The following SP140 variants were observed in gnomAD, a reference collection of about 807,000 sequenced individuals.
SP140 encodes the protein nuclear body protein SP140.
SP140 carries 81 observed loss-of-function variants against 125.0 expected under a neutral mutation model. The observed-to-expected ratio is 0.65, with a 90% CI of 0.54 to 0.78. The LOEUF (loss-of-function observed/expected upper bound fraction) is 0.78. SP140 is among the 30% of genes least tolerant of loss of function. The pLI is 0.00. For synonymous variants in SP140, 312 were observed against 354.0 expected (o/e 0.88, Z 1.33); for missense variants, 858 against 1,037.0 (o/e 0.83, Z 2.37).
chr2:230,290,511 C>T lies in SP140; in HGVS notation c.1772C>T (p.Pro591Leu), dbSNP rs976547498. ...GTGGATTTTAAGGCTCCTTTGCTTC[C>T]AGTGACCTGTGGTGGGGTGAAGGGA... ...ETVDFKAPLLPVTCGGVKGIL... is the reference protein window; with the variant it reads ...ETVDFKAPLLLVTCGGVKGIL... The change falls in exon 19 of 27, where the codon CCA (proline) becomes CTA (leucine). Residue 591 changes from proline to leucine, a missense_variant. By Grantham distance (98) the Pro-to-Leu change is moderately conservative. Around this residue, in one of 4 missense-constraint regions of SP140, gnomAD observed 791 missense variants for 869.5 expected, o/e 0.91. Coordinates refer to ENST00000392045, the MANE Select transcript of SP140 (RefSeq NM_007237.5). 1.9e-6 allele frequency: 3 copies of T among 1,613,916 alleles called. No homozygotes were observed. Among genetic ancestry groups the T allele is most frequent in the Non-Finnish European group, 1.7e-6 (2 of 1,179,952 alleles).
chr2:230,221,729 A>G, upstream of SP140: 2 of 1,536,096 alleles, frequency 1.3e-6, no homozygotes, highest in African/African-American at 2.7e-5. Flanking sequence ...CATCACCTGG[A>G]AAGCCCCTTC....
intron 22 of SP140, among the ~76,000 whole-genome samples, chr2:230,307,191 T>C (rs1270971359): frequency 6.6e-6 from 1 of 152,202 alleles, no homozygotes; most frequent in African/African-American, 2.4e-5. Context: ...TCAGGACACA[T>C]TGGCTGCAGA....
chr2:230,283,201 T>C (rs1250381734), intron 15 of SP140, among the ~76,000 whole-genome samples: 3 of 152,202 alleles, frequency 2.0e-5, no homozygotes, highest in Non-Finnish European at 4.4e-5. Context: ...CAAAGCATCC[T>C]TGGGTTCTTC....
chr2:230,195,929 A>C, the SP140 span, among the ~76,000 whole-genome samples: 1 of 152,172 alleles, frequency 6.6e-6, no homozygotes, highest in African/African-American at 2.4e-5. Flanking sequence ...TAGGAAAATA[A>C]GCAAAAAATA....
chr2:230,260,430 A>G (rs1189414854), intron 12 of SP140, among the ~76,000 whole-genome samples: 4 of 152,128 alleles, frequency 2.6e-5, no homozygotes, highest in Admixed American at 6.5e-5. Flanking sequence ...TTGCTGTGCA[A>G]AAGCTCTTAG....
intron 3 of SP140, chr2:230,219,480 T>C (rs908486964): frequency 1.3e-5 from 2 of 152,178 alleles, no homozygotes; most frequent in African/African-American, 4.8e-5. Flanking sequence ...AGAAAATATA[T>C]AAAAAGTTCA....
At chr2:230,233,657 G>T (rs1330893916) in intron 1 of SP140, among the ~76,000 whole-genome samples, 1 of 152,140 alleles carries the variant, frequency 6.6e-6, no homozygotes, top group Non-Finnish European at 1.5e-5. Context: ...TAATAGTAGT[G>T]AATTTATTAC....
At chr2:230,288,493 CT>C (rs2056712930) in intron 18 of SP140, among the ~76,000 whole-genome samples, 1 of 117,692 alleles carries the variant, frequency 8.5e-6, no homozygotes, top group South Asian at 3.4e-4. Flanking sequence ...TTCTTTCTTT[CT>C]TTCTTTCTTT....
At chr2:230,190,916 T>A in the SP140 span, among the ~76,000 whole-genome samples, 1 of 152,212 alleles carries the variant, frequency 6.6e-6, no homozygotes, top group Non-Finnish European at 1.5e-5. Context: ...ATGGTCTATA[T>A]GTCTGTTTTG....
intron 15 of SP140, among the ~76,000 whole-genome samples, chr2:230,282,456 A>G (rs977566669): frequency 1.3e-5 from 2 of 152,200 alleles, no homozygotes; most frequent in Non-Finnish European, 2.9e-5. Flanking sequence ...CACTCTGATT[A>G]TTCGGACCCA....
At chr2:230,250,216 CA>C (rs562625408) in intron 9 of SP140, among the ~76,000 whole-genome samples, 58 of 152,356 alleles carry the variant, frequency 3.8e-4, no homozygotes, top group Non-Finnish European at 6.2e-4. Context: ...TGCTTTAGCA[CA>C]ATTGGCAATT....
At chr2:230,268,842 C>A (rs1297053196) in intron 12 of SP140, among the ~76,000 whole-genome samples, 1 of 152,122 alleles carries the variant, frequency 6.6e-6, no homozygotes, top group Non-Finnish European at 1.5e-5. Flanking sequence ...CACTCCCCAG[C>A]AAGAATCTTC....
At chr2:230,251,928 C>T (rs1029048391) in intron 10 of SP140, among the ~76,000 whole-genome samples, 1 of 151,968 alleles carries the variant, frequency 6.6e-6, no homozygotes, top group East Asian at 1.9e-4. Context: ...AATGCGGAGA[C>T]CAGTGTCCTG....
At chr2:230,304,350 T>C (rs2058565088) in intron 22 of SP140, among the ~76,000 whole-genome samples, 1 of 152,144 alleles carries the variant, frequency 6.6e-6, no homozygotes. Context: ...GGAAAGTCAA[T>C]GCAATTCCCA....
chr2:230,228,770 A>G (rs10197151), intron 1 of SP140, among the ~76,000 whole-genome samples: 2,092 of 152,144 alleles, frequency 0.014, 44 homozygotes, highest in African/African-American at 0.047. Context: ...TGTTTAACCT[A>G]TCTGTATTTT....
rs1162449875 is a variant in SP140, at chr2:230,292,779, G to A, written c.1959G>A (p.Trp653Ter). 6.2e-7 allele frequency: 1 copy of A among 1,613,932 alleles called. No individual in the cohort carries two copies. The highest frequency in any genetic ancestry group is 1.3e-5 in the African/African-American group (1 of 74,918). Residue 653 changes from tryptophan to a stop codon, truncating the protein, a stop_gained, in exon 20 of 27, where the codon TGG (tryptophan) becomes TGA (stop). Transcript: ENST00000392045. LOFTEE classifies it high-confidence loss of function. ...GCTGTGGCGGGTGGCCCCTACGATG[G>A]CTGATGGAGGTATTCCAATGACAAG... ...SVRCGGWPLR[W>*]LMENGFLPDP...
chr2:230,287,996 A>T (rs1238593926), intron 18 of SP140, 30 bp downstream of exon 18: 1 of 1,554,904 alleles, frequency 6.4e-7, no homozygotes, highest in Admixed American at 1.8e-5. Flanking sequence ...TGAACTTTCA[A>T]TAACTAAACA....
At chr2:230,270,100 A>G (rs1467821059) in intron 14 of SP140, 147 bp downstream of exon 14, 3 of 627,246 alleles carry the variant, frequency 4.8e-6, no homozygotes, top group Non-Finnish European at 8.7e-6. Flanking sequence ...CAGGGAGGCA[A>G]GAGATCGTTA....
rs573597755 is a variant in SP140 at position 230,312,966 on chromosome 2, G to C, written c.*282G>C. 3 of 317,734 alleles carry C rather than the reference G, an allele frequency of 9.4e-6. No individual in the cohort carries two copies. The highest frequency in any genetic ancestry group is 2.1e-4 in the East Asian group (2 of 9,520). The allele number at this position is 317,734 out of a possible 1,614,324, so 19.7% of individuals were successfully genotyped here. ...TACAGGCTCTTACCTCTTCTCCTGA[G>C]GGCTGCTCCAGACAACATTTATTAC... is the stretch of plus-strand genomic sequence containing the variant. On this transcript the variant is annotated 3_prime_UTR_variant, in exon 27 of 27. Coordinates refer to ENST00000392045, the MANE Select transcript of SP140 (RefSeq NM_007237.5).
Sources: allele counts gnomAD v4.1 joint callset (sites outside exome capture counted in the v4.1 genomes callset), GRCh38; gene constraint gnomAD v4.1.1; regional missense constraint gnomAD v4.1.1; transcripts MANE v1.5; gene names NCBI Gene and HGNC (gene_info 2026-07-23, HGNC 2026-07-21).